The following KDM4C variants were observed in gnomAD, a reference collection of about 807,000 sequenced individuals.
KDM4C encodes lysine-specific demethylase 4C.
KDM4C carries 81 observed loss-of-function variants against 129.3 expected under a neutral mutation model. The ratio of observed to expected loss-of-function variants is 0.63; its 90% CI spans 0.52 to 0.75. The LOEUF (loss-of-function observed/expected upper bound fraction) is 0.75. KDM4C is among the 30% of genes least tolerant of loss of function. The probability of loss-of-function intolerance (pLI) is 0.00; values close to 1 mark genes in which losing one functional copy is unlikely to be tolerated. For missense variants in KDM4C, 1,457 were observed against 1,304.0 expected, an observed-to-expected ratio of 1.12 and a Z score of -1.81; for synonymous variants, 573 against 456.1, an observed-to-expected ratio of 1.26 and a Z score of -3.26.
At chr9:6,853,805 G>T (rs1215552529) in intron 5 of KDM4C, among the ~76,000 whole-genome samples, 2 of 152,086 alleles carry the variant, frequency 1.3e-5, no homozygotes, top group African/African-American at 4.8e-5. Context: ...CAGAAGTCCT[G>T]TTTTAAAACC....
intron 15 of KDM4C, among the ~76,000 whole-genome samples, chr9:7,035,248 A>C (rs1364235552): frequency 6.8e-6 from 1 of 146,188 alleles, no homozygotes; most frequent in Non-Finnish European, 1.5e-5. Context: ...TCTTGGGCTC[A>C]AGTGATCCTC....
intron 17 of KDM4C, among the ~76,000 whole-genome samples, chr9:7,070,078 C>G (rs1423112130): frequency 6.6e-6 from 1 of 152,160 alleles, no homozygotes. Flanking sequence ...AACAAACAGA[C>G]TGACAAAATC....
intron 8 of KDM4C, among the ~76,000 whole-genome samples, chr9:6,945,620 T>C (rs948987853): frequency 6.6e-6 from 1 of 152,186 alleles, no homozygotes; most frequent in African/African-American, 2.4e-5. Flanking sequence ...AGATGGAATT[T>C]ACTACTTAGA....
chr9:6,817,455 T>G (rs1832328829), intron 4 of KDM4C, among the ~76,000 whole-genome samples: 1 of 152,068 alleles, frequency 6.6e-6, no homozygotes, highest in Non-Finnish European at 1.5e-5. Context: ...TCCTCCCTCT[T>G]CAGCTTCCCA....
intron 17 of KDM4C, among the ~76,000 whole-genome samples, chr9:7,056,792 C>T (rs1312660346): frequency 6.6e-6 from 1 of 152,122 alleles, no homozygotes; most frequent in Admixed American, 6.6e-5. Context: ...GACGAATGCT[C>T]CATTTTTTTC....
chr9:6,925,533 C>T, intron 8 of KDM4C: 1 of 916,324 alleles, frequency 1.1e-6, no homozygotes, highest in Non-Finnish European at 1.3e-6. Flanking sequence ...TGGCATCAAG[C>T]AGTCCTCCCA....
chr9:6,903,219 C>T (rs1287376744), intron 8 of KDM4C, among the ~76,000 whole-genome samples: 1 of 152,126 alleles, frequency 6.6e-6, no homozygotes, highest in African/African-American at 2.4e-5. Context: ...AATGCATATT[C>T]AGGGTTGTCC....
At chr9:6,805,514 C>A in intron 2 of KDM4C, 85 bp from the exon 3 acceptor site, 3 of 718,592 alleles carry the variant, frequency 4.2e-6, no homozygotes, top group African/African-American at 1.9e-5. Flanking sequence ...AGAAATTCTT[C>A]AGTTGTAGTT....
chr9:6,830,110 A>G (rs1434797604), intron 4 of KDM4C, among the ~76,000 whole-genome samples: 2 of 152,220 alleles, frequency 1.3e-5, no homozygotes, highest in Non-Finnish European at 2.9e-5. Flanking sequence ...AAAAAATGTA[A>G]AACAACTTAC....
At position 6,926,328 on chromosome 9, in the gene KDM4C, G is replaced by C. The variant is rs1554646850; in HGVS notation, c.921+33096G>C. ...AGAAACAAGTGGAGAAGCAGTTGTA[G>C]AGAGATAATTTGTAAAAAAAAAAAA... On this transcript the variant is annotated intron_variant, in intron 8 of 21. Coordinates refer to ENST00000381309, the MANE Select transcript of KDM4C (RefSeq NM_015061.6). Among the ~76,000 whole-genome samples, 3 of 69,508 alleles carry C rather than the reference G, an allele frequency of 4.3e-5. 1 individual carries two copies. The highest frequency in any genetic ancestry group is 6.2e-4 in the East Asian group (2 of 3,208). The allele number at this position is 69,508 out of a possible 152,430, so 45.6% of individuals were successfully genotyped here.
At chr9:6,777,687 A>T (rs1823377886) in intron 1 of KDM4C, among the ~76,000 whole-genome samples, 1 of 152,092 alleles carries the variant, frequency 6.6e-6, no homozygotes. Context: ...TCTGGAGTGC[A>T]GTGGCGCGAT....
At chr9:6,766,303 G>T (rs1820615255) in intron 1 of KDM4C, among the ~76,000 whole-genome samples, 1 of 152,084 alleles carries the variant, frequency 6.6e-6, no homozygotes, top group Non-Finnish European at 1.5e-5. Flanking sequence ...GAAACTTTCA[G>T]ATTTTGGAGT....
chr9:6,919,255 C>CTTTATTTAT (rs1554643787), intron 8 of KDM4C, among the ~76,000 whole-genome samples: 1 of 122,526 alleles, frequency 8.2e-6, no homozygotes, highest in African/African-American at 3.3e-5. Flanking sequence ...TCTTTTCTTT[C>CTTTATTTAT]TTTCTTTCTT....
intron 2 of KDM4C, among the ~76,000 whole-genome samples, chr9:6,793,579 G>A (rs1827170020): frequency 7.1e-6 from 1 of 141,690 alleles, no homozygotes; most frequent in Non-Finnish European, 1.5e-5. Flanking sequence ...TGCTCTTGCC[G>A]CCCAGGCTGG....
At chr9:6,894,298 A>G (rs772562629) in intron 8 of KDM4C, among the ~76,000 whole-genome samples, 1 of 152,252 alleles carries the variant, frequency 6.6e-6, no homozygotes, top group Non-Finnish European at 1.5e-5. Context: ...CCCTGGTATT[A>G]GAAGACTTTT....
intron 3 of KDM4C, among the ~76,000 whole-genome samples, chr9:6,810,092 G>A (rs571061457): frequency 6.6e-6 from 1 of 152,154 alleles, no homozygotes; most frequent in African/African-American, 2.4e-5. Flanking sequence ...ATTAAGACTT[G>A]AGCCTTGAAG....
chr9:6,906,762 C>G (rs1433530789), intron 8 of KDM4C, among the ~76,000 whole-genome samples: 3 of 152,082 alleles, frequency 2.0e-5, no homozygotes, highest in Non-Finnish European at 4.4e-5. Context: ...TTAAAAATTT[C>G]TCTTTGGGTT....
intron 16 of KDM4C, among the ~76,000 whole-genome samples, chr9:7,047,769 T>A (rs908923911): frequency 6.6e-6 from 1 of 151,988 alleles, no homozygotes; most frequent in East Asian, 1.9e-4. Context: ...TGATTGTATA[T>A]CCCTATAAGG....
chr9:7,060,844 T>G (rs1336593258), intron 17 of KDM4C, among the ~76,000 whole-genome samples: 1 of 152,162 alleles, frequency 6.6e-6, no homozygotes, highest in Middle Eastern at 3.2e-3. Context: ...CATATTTGTT[T>G]TAGATTGTTT....
Sources: gnomAD v4.1 joint callset for allele counts (sites outside exome capture counted in the v4.1 genomes callset) on GRCh38, gnomAD v4.1.1 for gene constraint, MANE v1.5 for transcripts, NCBI Gene and HGNC (gene_info 2026-07-23, HGNC 2026-07-21) for gene names.